CRPPA: variants seen among roughly 807,000 people sequenced by gnomAD.
CRPPA encodes the protein D-ribitol-5-phosphate cytidylyltransferase.
Under a neutral mutation model 52.0 loss-of-function variants are expected in CRPPA, and 43 were observed. The observed-to-expected ratio is 0.83, with a 90% CI of 0.65 to 1.07. The LOEUF (loss-of-function observed/expected upper bound fraction) is 1.07, where lower values mean the gene tolerates loss of function less well. Ranked by LOEUF, CRPPA falls within the 50% of genes least tolerant of loss-of-function variation. The pLI is 0.00. For missense variants in CRPPA, 629 were observed against 551.7 expected, an observed-to-expected ratio of 1.14 and a Z score of -1.40; for synonymous variants, 250 against 203.5, an observed-to-expected ratio of 1.23 and a Z score of -1.94.
chr7:16,233,167 G>A (rs1782853619), intron 8 of CRPPA, among the ~76,000 whole-genome samples: 1 of 151,872 alleles, frequency 6.6e-6, no homozygotes, highest in Non-Finnish European at 1.5e-5. Context: ...GGCAAAAAGA[G>A]GAAATTAAAC....
chr7:16,147,023 T>C (rs1782986889), intron 9 of CRPPA, among the ~76,000 whole-genome samples: 10 of 152,178 alleles, frequency 6.6e-5, no homozygotes, highest in Admixed American at 6.5e-4. Flanking sequence ...AGAAACTCAT[T>C]TAGGAACTCA....
At chr7:16,170,710 C>T (rs1781163428) in intron 9 of CRPPA, among the ~76,000 whole-genome samples, 1 of 152,150 alleles carries the variant, frequency 6.6e-6, no homozygotes. Context: ...GGCTGCAGGT[C>T]CCGAGCCCTG....
At chr7:16,390,939 G>C (rs1307939415) in intron 2 of CRPPA, among the ~76,000 whole-genome samples, 1 of 152,142 alleles carries the variant, frequency 6.6e-6, no homozygotes, top group African/African-American at 2.4e-5. Flanking sequence ...CCTAGTCGAA[G>C]TCAATGGCCT....
At chr7:16,207,102 G>C (rs528699918) in intron 9 of CRPPA, among the ~76,000 whole-genome samples, 77 of 152,230 alleles carry the variant, frequency 5.1e-4, no homozygotes, top group African/African-American at 1.8e-3. Context: ...GATTCTCAGA[G>C]ACTATAAACA....
chr7:16,176,850 T>C (rs1406353928), intron 9 of CRPPA, among the ~76,000 whole-genome samples: 1 of 152,162 alleles, frequency 6.6e-6, no homozygotes, highest in Non-Finnish European at 1.5e-5. Context: ...AAATATTTAA[T>C]AACGGAACAT....
chr7:16,212,729 G>T (rs1782183566), intron 9 of CRPPA, among the ~76,000 whole-genome samples: 1 of 152,152 alleles, frequency 6.6e-6, no homozygotes, highest in Admixed American at 6.5e-5. Context: ...TCCAACATAG[G>T]CTTTAATGTG....
intron 3 of CRPPA, among the ~76,000 whole-genome samples, chr7:16,354,807 G>C (rs925629704): frequency 1.3e-5 from 2 of 152,040 alleles, no homozygotes; most frequent in African/African-American, 4.8e-5. Flanking sequence ...GAAAATAATA[G>C]AGTTAGTCAT....
At chr7:16,272,695 T>C (rs1784116618) in intron 6 of CRPPA, among the ~76,000 whole-genome samples, 1 of 152,240 alleles carries the variant, frequency 6.6e-6, no homozygotes. Context: ...CCTAAGGGGA[T>C]GTCTTTCAGA....
Position 16,200,940 on chromosome 7 carries a change from C to G in CRPPA, c.1251+15126G>C, listed in dbSNP as rs1411081561. Among the ~76,000 whole-genome samples, 4 of 152,216 alleles carry G rather than the reference C, an allele frequency of 2.6e-5. No individual in the cohort carries two copies. In the East Asian group the frequency reaches 7.7e-4, roughly 29 times the overall value. The stretch of plus-strand genomic sequence containing the variant: ...CTTCTAATCCAAAAGGAGTCCTATT[C>G]TTGTTCATTTATGTTATTTTTTATA... On this transcript the variant is annotated intron_variant, in intron 9 of 9. Coordinates refer to ENST00000407010, the MANE Select transcript of CRPPA (RefSeq NM_001101426.4).
intron 3 of CRPPA, among the ~76,000 whole-genome samples, chr7:16,357,841 C>T (rs1022231798): frequency 5.9e-5 from 9 of 152,158 alleles, no homozygotes; most frequent in Non-Finnish European, 8.8e-5. Flanking sequence ...ATCTGAGCTG[C>T]AGCCCACCGG....
chr7:16,331,147 A>G (rs6955957), intron 3 of CRPPA, among the ~76,000 whole-genome samples: 138,245 of 152,062 alleles, frequency 0.91, 63,017 homozygotes, highest in Non-Finnish European at 0.94. Context: ...CTACAGGCGC[A>G]CGCCACCATG....
intron 9 of CRPPA, among the ~76,000 whole-genome samples, chr7:16,149,159 A>T (rs2128378334): frequency 6.6e-6 from 1 of 152,314 alleles, no homozygotes; most frequent in South Asian, 2.1e-4. Flanking sequence ...TGTTTCACCA[A>T]GTCACCATAA....
chr7:16,338,599 G>A (rs188868322), intron 3 of CRPPA, among the ~76,000 whole-genome samples: 1 of 152,110 alleles, frequency 6.6e-6, no homozygotes, highest in East Asian at 1.9e-4. Context: ...CAGACTTCAT[G>A]GACATCAAGA....
intron 2 of CRPPA, among the ~76,000 whole-genome samples, chr7:16,389,925 AAAAATATATAT>A (rs1787394701): frequency 4.1e-5 from 3 of 72,356 alleles, no homozygotes; most frequent in Admixed American, 3.2e-4. Context: ...AAAAAAAAAA[AAAAATATATAT>A]ATATATATAT....
intron 3 of CRPPA, among the ~76,000 whole-genome samples, chr7:16,313,960 G>A (rs1354828415): frequency 6.6e-6 from 1 of 151,920 alleles, no homozygotes; most frequent in Non-Finnish European, 1.5e-5. Flanking sequence ...ATGAGCATGA[G>A]AATAATGTGT....
intron 2 of CRPPA, among the ~76,000 whole-genome samples, chr7:16,387,075 A>ACACATATATATATATACG (rs1787303285): frequency 1.7e-5 from 1 of 60,054 alleles, no homozygotes; most frequent in African/African-American, 9.1e-5. Context: ...ATATATATAT[A>ACACATATATATATATACG]TATATATATA....
At chr7:16,225,870 C>T (rs1384442602) in intron 8 of CRPPA, among the ~76,000 whole-genome samples, 1 of 151,772 alleles carries the variant, frequency 6.6e-6, no homozygotes, top group Non-Finnish European at 1.5e-5. Flanking sequence ...CCTACTTTTG[C>T]AAGTTTTTTA....
chr7:16,184,108 A>C (rs1781461588), intron 9 of CRPPA, among the ~76,000 whole-genome samples: 1 of 151,616 alleles, frequency 6.6e-6, no homozygotes, highest in African/African-American at 2.4e-5. Context: ...CGCCCCGCTA[A>C]TTTTTTGTAT....
At chr7:16,231,960 T>C (rs1782809211) in intron 8 of CRPPA, among the ~76,000 whole-genome samples, 1 of 152,164 alleles carries the variant, frequency 6.6e-6, no homozygotes, top group South Asian at 2.1e-4. Flanking sequence ...TTTCATTTCT[T>C]TTAATTGAGA....
Sources: gnomAD v4.1 joint callset for allele counts (sites outside exome capture counted in the v4.1 genomes callset) on GRCh38, gnomAD v4.1.1 for gene constraint, MANE v1.5 for transcripts, NCBI Gene and HGNC (gene_info 2026-07-23, HGNC 2026-07-21) for gene names.